The following SLC66A3 variants were observed in gnomAD, a reference collection of about 807,000 sequenced individuals.
SLC66A3 encodes solute carrier family 66 member 3, also known as PQ loop repeat containing 3.
A neutral mutation model predicts 25.5 loss-of-function variants in SLC66A3; 23 were observed. That is an observed-to-expected ratio of 0.90 (90% CI 0.65 to 1.28). SLC66A3 has a LOEUF of 1.28. Among genes scored for constraint, SLC66A3 ranks in the 50% most tolerant of loss-of-function variants. The probability of loss-of-function intolerance (pLI) is 0.00; values close to 1 mark genes in which losing one functional copy is unlikely to be tolerated. For missense variants in SLC66A3, 246 were observed against 262.1 expected, an observed-to-expected ratio of 0.94 and a Z score of 0.42; for synonymous variants, 108 against 112.6, an observed-to-expected ratio of 0.96 and a Z score of 0.26.
intron 3 of SLC66A3, among the ~76,000 whole-genome samples, chr2:11,161,280 C>CA (rs1491357907): frequency 7.0e-6 from 1 of 142,244 alleles, no homozygotes; most frequent in Non-Finnish European, 1.5e-5. Flanking sequence ...TTTTTTGTTT[C>CA]ATTTTTGGTT....
chr2:11,160,611 C>A lies in SLC66A3; in HGVS notation c.227-14C>A. The A allele has an allele frequency of 1.6e-5, 26 of 1,614,154 alleles. No homozygotes were observed. Among genetic ancestry groups the A allele is most frequent in the Non-Finnish European group, 2.1e-5 (25 of 1,180,010 alleles). ...TCTCCCCTTCCCCCCTCACTCGGAG[C>A]CTCTCTCTTTCAGATGTCATCCTCC... is the stretch of plus-strand genomic sequence containing the variant. On this transcript the variant is annotated splice_polypyrimidine_tract_variant and intron_variant, in intron 2 of 6. Coordinates refer to ENST00000295083, the MANE Select transcript of SLC66A3 (RefSeq NM_152391.5).
chr2:11,162,748 A>G lies in SLC66A3; in HGVS notation c.297-1456A>G, dbSNP rs529094260. Among the ~76,000 whole-genome samples the G allele has an allele frequency of 2.4e-4, 37 of 152,154 alleles. No individual in the cohort carries two copies. The Middle Eastern group carries it at 0.017, about 70-fold the overall frequency. On this transcript the variant is annotated intron_variant, in intron 3 of 6. Coordinates refer to ENST00000295083, the MANE Select transcript of SLC66A3 (RefSeq NM_152391.5). ...CAGCCTCCCGAGTAGCTGGGACTACAGGCGCCCACCACCATGCCCGGCTAA... is the reference window on the plus strand; with the variant it reads ...CAGCCTCCCGAGTAGCTGGGACTACGGGCGCCCACCACCATGCCCGGCTAA...
intron 4 of SLC66A3, among the ~76,000 whole-genome samples, chr2:11,164,464 C>T (rs2147989953): frequency 6.7e-6 from 1 of 150,176 alleles, no homozygotes; most frequent in African/African-American, 2.4e-5. Flanking sequence ...GTCTCAGCCT[C>T]TCGAGTAGCT....
At chr2:11,164,683 G>C (rs1199778424) in intron 4 of SLC66A3, among the ~76,000 whole-genome samples, 6 of 151,102 alleles carry the variant, frequency 4.0e-5, no homozygotes, top group African/African-American at 1.5e-4. Flanking sequence ...AGGACCCTGC[G>C]GCCTTCCGCA....
intron 4 of SLC66A3, among the ~76,000 whole-genome samples, chr2:11,168,643 G>T (rs1392598320): frequency 6.6e-6 from 1 of 152,038 alleles, no homozygotes; most frequent in Non-Finnish European, 1.5e-5. Flanking sequence ...TCTGGTGCGA[G>T]CCCTCCCCTG....
At chr2:11,170,519 T>C (rs1257442460) in intron 4 of SLC66A3, among the ~76,000 whole-genome samples, 1 of 125,174 alleles carries the variant, frequency 8.0e-6, no homozygotes, top group African/African-American at 2.7e-5. Flanking sequence ...GTGCCGCGGC[T>C]TGCTGCTGGA....
At chr2:11,164,345 A>ATATATATTTTTTTTGTTTTTTTTTTTT in intron 4 of SLC66A3, 84 bp downstream of exon 4, 1 of 90,894 alleles carries the variant, frequency 1.1e-5, no homozygotes, top group Non-Finnish European at 2.0e-5. Context: ...ATATATATAT[A>ATATATATTTTTTTTGTTTTTTTTTTTT]TTTTTTTTTT....
intron 1 of SLC66A3, 32 bp downstream of exon 1, chr2:11,155,721 G>A (rs986945057): frequency 3.0e-6 from 4 of 1,342,464 alleles, no homozygotes; most frequent in Non-Finnish European, 3.8e-6. Flanking sequence ...GCTGCCTCCT[G>A]CCCCCTCGCA....
intron 5 of SLC66A3, 110 bp downstream of exon 5, chr2:11,172,155 T>C (rs1662579655): frequency 1.0e-6 from 1 of 961,214 alleles, no homozygotes; most frequent in East Asian, 2.7e-5. Flanking sequence ...TTTACTACTT[T>C]ACAAATGGCT....
chr2:11,162,061 C>T (rs189378916), intron 3 of SLC66A3, among the ~76,000 whole-genome samples: 132 of 152,318 alleles, frequency 8.7e-4, no homozygotes, highest in Non-Finnish European at 1.5e-3. Context: ...ACTGTGCGTC[C>T]CCCATCTGTG....
chr2:11,177,738 T>C lies in SLC66A3; in HGVS notation c.519T>C (p.Ile173=), dbSNP rs1229288859. ...AATACACTTTTTTTTTTATTTCAGT[T>C]CTTCTACGTTTTGTGATCATGCTGG... ...TTLMTTNDFT[I]LLRFVIMLAL... The change falls in exon 7 of 7, where the codon ATT becomes ATC. Residue 173 remains isoleucine (I), a splice_region_variant and synonymous_variant. Transcript: ENST00000295083. 1 of 1,600,744 alleles carries C rather than the reference T, an allele frequency of 6.2e-7. No individual in the cohort carries two copies. The highest frequency in any genetic ancestry group is 8.5e-7 in the Non-Finnish European group (1 of 1,171,498).
At chr2:11,177,296 C>T (rs1027402990) in intron 6 of SLC66A3, among the ~76,000 whole-genome samples, 4 of 152,026 alleles carry the variant, frequency 2.6e-5, no homozygotes, top group Non-Finnish European at 5.9e-5. Context: ...CCTGTCTCTA[C>T]TAAAAATACA....
At chr2:11,164,338 T>TAA in intron 4 of SLC66A3, 77 bp downstream of exon 4, 1 of 135,332 alleles carries the variant, frequency 7.4e-6, no homozygotes, top group Non-Finnish European at 1.3e-5. Context: ...TATATATATA[T>TAA]ATATATATTT....
chr2:11,160,262 A>G (rs1572176645), intron 1 of SLC66A3: 1 of 616,380 alleles, frequency 1.6e-6, no homozygotes, highest in African/African-American at 1.8e-5. Context: ...CCCGGTGCCC[A>G]GTAAGTTCTG....
chr2:11,160,738 A>T, intron 3 of SLC66A3, 44 bp downstream of exon 3: 5 of 1,610,524 alleles, frequency 3.1e-6, no homozygotes, highest in Non-Finnish European at 3.4e-6. Flanking sequence ...CGGGGATGTT[A>T]TTTGTGAATG....
chr2:11,171,884 C>T lies in SLC66A3; in HGVS notation c.355-41C>T, dbSNP rs752932815. Reference sequence around the variant, plus strand: ...CACCTGGCCTCTTTTGCTTTTTTAACAAATCGACTCGTGACTTTCTCACAT... The same window carrying T: ...CACCTGGCCTCTTTTGCTTTTTTAATAAATCGACTCGTGACTTTCTCACAT... On this transcript the variant is annotated intron_variant, in intron 4 of 6. Coordinates refer to ENST00000295083, the MANE Select transcript of SLC66A3 (RefSeq NM_152391.5). The T allele has an allele frequency of 1.9e-6, 3 of 1,609,106 alleles. No individual in the cohort carries two copies. In the East Asian group the frequency reaches 6.7e-5, roughly 36 times the overall value.
At chr2:11,155,995 C>G (rs1661886104) in intron 1 of SLC66A3, among the ~76,000 whole-genome samples, 1 of 152,236 alleles carries the variant, frequency 6.6e-6, no homozygotes, top group Admixed American at 6.5e-5. Context: ...ACAAAACCTG[C>G]TGGCCCTGAG....
intron 3 of SLC66A3, 58 bp downstream of exon 3, chr2:11,160,752 T>G: frequency 6.2e-7 from 1 of 1,612,230 alleles, no homozygotes; most frequent in East Asian, 2.2e-5. Context: ...GTGAATGGTA[T>G]GCATTGTGAA....
At chr2:11,167,895 T>C (rs1662400090) in intron 4 of SLC66A3, among the ~76,000 whole-genome samples, 1 of 152,148 alleles carries the variant, frequency 6.6e-6, no homozygotes, top group Admixed American at 6.5e-5. Context: ...CCGAGATCGT[T>C]CCCCCAGAGG....
Sources: gnomAD v4.1 joint callset for allele counts (sites outside exome capture counted in the v4.1 genomes callset) on GRCh38, gnomAD v4.1.1 for gene constraint, MANE v1.5 for transcripts, NCBI Gene and HGNC (gene_info 2026-07-23, HGNC 2026-07-21) for gene names.